RHOBTB1: variants seen among roughly 807,000 people sequenced by gnomAD.
The protein encoded by RHOBTB1 is Rho related BTB domain containing 1.
In RHOBTB1, 40 loss-of-function variants were observed where a neutral mutation model predicts 71.6. The observed-to-expected ratio is 0.56, with a 90% CI of 0.43 to 0.73. RHOBTB1 has a LOEUF of 0.73. Among genes scored for constraint, RHOBTB1 ranks in the 30% least tolerant of loss-of-function variants. The pLI is 0.00. For synonymous variants in RHOBTB1, 319 were observed against 334.9 expected, an observed-to-expected ratio of 0.95 and a Z score of 0.52; for missense variants, 797 against 894.0, an observed-to-expected ratio of 0.89 and a Z score of 1.38.
intron 2 of RHOBTB1, among the ~76,000 whole-genome samples, chr10:60,934,521 C>CAGT (rs2084454995): frequency 6.6e-6 from 1 of 152,276 alleles, no homozygotes; most frequent in South Asian, 2.1e-4. Flanking sequence ...TGAGAGATTT[C>CAGT]AGTAGTCATG....
chr10:60,887,947 C>T (rs2081670476), intron 6 of RHOBTB1, among the ~76,000 whole-genome samples: 1 of 152,126 alleles, frequency 6.6e-6, no homozygotes, highest in South Asian at 2.1e-4. Flanking sequence ...CTGGCTCTAC[C>T]ATTTATTGCT....
intron 2 of RHOBTB1, among the ~76,000 whole-genome samples, chr10:60,985,093 G>A (rs1030395772): frequency 1.6e-4 from 25 of 152,016 alleles, no homozygotes; most frequent in African/African-American, 6.0e-4. Context: ...TAATTCTTTG[G>A]AATAAATGAA....
intron 9 of RHOBTB1, 125 bp downstream of exon 9, chr10:60,874,829 A>G (rs2080964978): frequency 1.4e-6 from 1 of 704,908 alleles, no homozygotes; most frequent in Non-Finnish European, 2.5e-6. Flanking sequence ...CTTAGTGTAC[A>G]CAGGGGGACT....
intron 1 of RHOBTB1, among the ~76,000 whole-genome samples, chr10:61,000,518 C>T (rs1023603384): frequency 2.0e-5 from 3 of 152,108 alleles, no homozygotes; most frequent in East Asian, 1.9e-4. Flanking sequence ...TAAAACTATA[C>T]GGTAAACTTA....
chr10:60,891,281 A>G (rs1451771417), intron 5 of RHOBTB1, among the ~76,000 whole-genome samples: 2 of 151,522 alleles, frequency 1.3e-5, no homozygotes, highest in Non-Finnish European at 2.9e-5. Flanking sequence ...ATTTTGTAAT[A>G]AGCCTATTAG....
At chr10:60,939,574 C>T (rs1363524687) in intron 2 of RHOBTB1, among the ~76,000 whole-genome samples, 1 of 152,120 alleles carries the variant, frequency 6.6e-6, no homozygotes, top group Admixed American at 6.5e-5. Context: ...TTCCCTCCCT[C>T]TCCAAGTTTT....
chr10:60,992,749 T>C (rs545035714), intron 1 of RHOBTB1, among the ~76,000 whole-genome samples: 18 of 152,090 alleles, frequency 1.2e-4, no homozygotes, highest in African/African-American at 4.3e-4. Context: ...ATTATGAGAG[T>C]AAAAACATTC....
intron 2 of RHOBTB1, among the ~76,000 whole-genome samples, chr10:60,941,345 T>TC (rs2084892462): frequency 6.6e-6 from 1 of 151,552 alleles, no homozygotes; most frequent in East Asian, 1.9e-4. Context: ...TCCCAGAGAT[T>TC]TTTTTTTTCT....
At chr10:60,874,804 A>G in intron 9 of RHOBTB1, 150 bp downstream of exon 9, 1 of 628,232 alleles carries the variant, frequency 1.6e-6, no homozygotes, top group Middle Eastern at 2.8e-4. Flanking sequence ...ATAAAAGGTA[A>G]AACTCTCAGA....
At chr10:60,926,298 C>G (rs1443659642) in intron 2 of RHOBTB1, among the ~76,000 whole-genome samples, 3 of 152,110 alleles carry the variant, frequency 2.0e-5, no homozygotes, top group Admixed American at 2.0e-4. Flanking sequence ...CTCTACCAAA[C>G]ACTTAAAGAA....
intron 2 of RHOBTB1, among the ~76,000 whole-genome samples, chr10:60,969,508 A>C (rs1166020886): frequency 2.6e-5 from 4 of 152,234 alleles, no homozygotes; most frequent in Admixed American, 2.6e-4. Context: ...GGAGCTTGTC[A>C]GGGCATCAAA....
At chr10:60,862,487 C>T in the RHOBTB1 span, among the ~76,000 whole-genome samples, 2 of 134,168 alleles carry the variant, frequency 1.5e-5, no homozygotes, top group African/African-American at 5.9e-5. Flanking sequence ...TGTGAGCCAC[C>T]ATGCTCAGCC....
chr10:60,931,204 C>T (rs2084230789), intron 2 of RHOBTB1, among the ~76,000 whole-genome samples: 1 of 152,138 alleles, frequency 6.6e-6, no homozygotes, highest in Admixed American at 6.6e-5. Flanking sequence ...TGCTACACAT[C>T]TCATTCTTTT....
intron 2 of RHOBTB1, among the ~76,000 whole-genome samples, chr10:60,954,115 A>G (rs534189548): frequency 3.1e-4 from 47 of 152,326 alleles, no homozygotes; most frequent in Admixed American, 9.8e-4. Flanking sequence ...TACAAATACA[A>G]TGAACATTAG....
chr10:60,902,844 T>A (rs2082474955), intron 4 of RHOBTB1, among the ~76,000 whole-genome samples: 1 of 152,184 alleles, frequency 6.6e-6, no homozygotes, highest in Admixed American at 6.6e-5. Context: ...CCTTAGAAGA[T>A]CCTGGAACAC....
At chr10:60,960,854 A>T (rs1195324205) in intron 2 of RHOBTB1, among the ~76,000 whole-genome samples, 1 of 152,108 alleles carries the variant, frequency 6.6e-6, no homozygotes, top group Admixed American at 6.6e-5. Context: ...TTACCACTTC[A>T]GGAAGATTTT....
At chr10:60,916,772 TA>T (rs1221513996) in intron 2 of RHOBTB1, among the ~76,000 whole-genome samples, 1 of 152,194 alleles carries the variant, frequency 6.6e-6, no homozygotes, top group African/African-American at 2.4e-5. Context: ...CATGAGGGAA[TA>T]GGGTTGCAGA....
chr10:60,976,670 T>C (rs1344893631), intron 2 of RHOBTB1, among the ~76,000 whole-genome samples: 2 of 152,036 alleles, frequency 1.3e-5, no homozygotes, highest in African/African-American at 2.4e-5. Context: ...TTAAAAATAT[T>C]ACCTCATAAT....
chr10:60,891,537 G>A (rs1162798127), intron 5 of RHOBTB1, among the ~76,000 whole-genome samples: 4 of 151,232 alleles, frequency 2.6e-5, no homozygotes, highest in African/African-American at 4.9e-5. Context: ...TTCTAGAGAC[G>A]TGGTCTCACT....
Sources: allele counts gnomAD v4.1 joint callset (sites outside exome capture counted in the v4.1 genomes callset), GRCh38; gene constraint gnomAD v4.1.1; transcripts MANE v1.5; gene names NCBI Gene and HGNC (gene_info 2026-07-23, HGNC 2026-07-21).